LMF2: variants seen among roughly 807,000 people sequenced by gnomAD.
The protein encoded by LMF2 is transmembrane protein 112B.
LMF2 carries 113 observed loss-of-function variants against 81.5 expected under a neutral mutation model. The observed-to-expected ratio is 1.39, with a 90% CI of 1.19 to 1.62. LMF2 has a LOEUF of 1.62. LMF2 is among the 40% of genes most tolerant of loss of function. The pLI is 0.00. For missense variants in LMF2, 1,235 were observed against 929.1 expected (o/e 1.33, Z -4.28); for synonymous variants, 645 against 424.5 (o/e 1.52, Z -6.39).
rs964667233 is a variant in LMF2 at position 50,507,149 on chromosome 22, C to G, written c.95-114G>C. The stretch of plus-strand genomic sequence containing the variant: ...GGTCAGAGCATGCGGATACCTCCAT[C>G]CCTAGGTCAGAGTCTGCAGTCCCTC... On this transcript the variant is annotated intron_variant, in intron 1 of 13. Transcript: ENST00000474879. 4 of 1,443,570 alleles carry G rather than the reference C, an allele frequency of 2.8e-6. No individual in the cohort carries two copies. The African/African-American group carries it at 5.7e-5, about 21-fold the overall frequency. The allele number at this position is 1,443,570 out of a possible 1,614,324, so 89.4% of individuals were successfully genotyped here. A position where few individuals can be genotyped will look rare whatever the true frequency, so the allele number is the denominator to read the frequency against.
chr22:50,503,437 G>T lies in LMF2; in HGVS notation c.2078C>A (p.Pro693His). Residue 693 changes from proline to histidine, a missense_variant, in exon 14 of 14, where the codon CCC (proline) becomes CAC (histidine). Pro to His is a moderately conservative substitution (Grantham distance 77, BLOSUM62 -2). Coordinates refer to ENST00000474879, the MANE Select transcript of LMF2 (RefSeq NM_033200.3). Reference sequence around the variant, plus strand: ...CCTCGAACTACTGGAGCAGGGGTTGGGGGCTGCGGTGGCCTGTTCGGAGGC... The same window carrying T: ...CCTCGAACTACTGGAGCAGGGGTTGTGGGCTGCGGTGGCCTGTTCGGAGGC... ...GAASEQATAA[P>H]NPCSSSSRTT... 1 of 1,607,696 alleles carries T rather than the reference G, an allele frequency of 6.2e-7. No homozygotes were observed. Among genetic ancestry groups the T allele is most frequent in the South Asian group, 1.1e-5 (1 of 90,624 alleles).
intron 5 of LMF2, 68 bp downstream of exon 5, chr22:50,505,967 G>T (rs778913378): frequency 5.8e-6 from 9 of 1,560,308 alleles, no homozygotes; most frequent in South Asian, 1.2e-5. Flanking sequence ...TCCCCAACAG[G>T]GCACGCTGAG....
At position 50,505,286 on chromosome 22, in the gene LMF2, G is replaced by A. The variant is rs757675444; in HGVS notation, c.1100C>T (p.Pro367Leu). Reference sequence around the variant, plus strand: ...GGAGGCCACACCCAGCCACACAGTGGGCAGCGTCAGTGTCTTCAGCCACTG... The same window carrying A: ...GGAGGCCACACCCAGCCACACAGTGAGCAGCGTCAGTGTCTTCAGCCACTG... ...FSQWLKTLTLPTVWLGVASLV... is the reference protein window; with the variant it reads ...FSQWLKTLTLLTVWLGVASLV... The change falls in exon 8 of 14, where the codon CCC becomes CTC. Residue 367 changes from proline to leucine, a missense_variant. Pro to Leu is a moderately conservative substitution (Grantham distance 98). Coordinates refer to ENST00000474879, the MANE Select transcript of LMF2 (RefSeq NM_033200.3). The A allele has an allele frequency of 4.3e-6, 7 of 1,613,274 alleles. No homozygotes were observed. Among genetic ancestry groups the A allele is most frequent in the African/African-American group, 1.3e-5 (1 of 75,060 alleles).
In LMF2 at chr22:50,506,064, G is replaced by A. The variant is rs755575011; in HGVS notation, c.745C>T (p.Arg249Cys). ...GAGTAGAAAGCAGCCAAGCGCAGGC[G>A]TCGAATGGGGGCGAAGAACAGGGGC... ...VPPLFFAPIR[R>C]LRLAAFYSQV... The change falls in exon 5 of 14, where the codon CGC becomes TGC. Residue 249 changes from arginine (R) to cysteine (C), a missense_variant. Arg to Cys is a radical substitution (Grantham distance 180). Coordinates refer to ENST00000474879, the MANE Select transcript of LMF2 (RefSeq NM_033200.3). 1.2e-5 allele frequency: 19 copies of A among 1,591,368 alleles called. No homozygotes were observed. The highest frequency in any genetic ancestry group is 5.3e-5 in the African/African-American group (4 of 74,810).
Position 50,504,758 on chromosome 22 carries a change from G to A in LMF2, c.1438-31C>T, listed in dbSNP as rs373871380. ...AGGCAGGCCGAGGTCAGCTGGGCCC[G>A]CTGACCTGGGCCCCACCACCCTGCC... On this transcript the variant is annotated intron_variant, in intron 10 of 13. Transcript: ENST00000474879. The A allele has an allele frequency of 4.4e-5, 71 of 1,605,506 alleles. 2 individuals are homozygous for A. Among genetic ancestry groups the A allele is most frequent in the African/African-American group, 4.3e-4 (32 of 74,736 alleles).
rs1392249412 is a variant in LMF2 at position 50,506,664 on chromosome 22, C to A, written c.351G>T (p.Val117=). Residue 117 remains valine (V), a splice_region_variant and synonymous_variant, in exon 3 of 14, where the codon GTG becomes GTT. Transcript: ENST00000474879. ...LWAAYLSACQ[V]GQVFLYFQWD... ...ACTGGAAATAAAGGAACACCTGGCC[C>A]ACCTGCGGAGAGAGGGGCTGTCAGG... is the stretch of plus-strand genomic sequence containing the variant. 6.2e-7 allele frequency: 1 copy of A among 1,613,654 alleles called. No homozygotes were observed. Among genetic ancestry groups the A allele is most frequent in the Non-Finnish European group, 8.5e-7 (1 of 1,179,940 alleles).
intron 3 of LMF2, 58 bp downstream of exon 3, chr22:50,506,580 G>C: frequency 6.3e-7 from 1 of 1,595,136 alleles, no homozygotes; most frequent in Admixed American, 1.7e-5. Flanking sequence ...AGGAAGGGCA[G>C]AGCCCTCCCC....
rs2068473634 is a variant in LMF2, at chr22:50,503,880, C to T, written c.1743G>A (p.Val581=). The change falls in exon 13 of 14, where the codon GTG becomes GTA. Residue 581 remains valine (V), a synonymous_variant. Coordinates refer to ENST00000474879, the MANE Select transcript of LMF2 (RefSeq NM_033200.3). ...EQGQWWRRQW[V]EEFFPSVSLG... is the part of the protein sequence containing the mutation. ...GGGACACGGATGGGAAGAACTCCTC[C>T]ACCCACTGGCGCCGCCACCACTGGC... The T allele has an allele frequency of 2.5e-6, 4 of 1,605,402 alleles. No homozygotes were observed. Among genetic ancestry groups the T allele is most frequent in the Non-Finnish European group, 3.4e-6 (4 of 1,179,382 alleles).
chr22:50,503,725 G>T, intron 13 of LMF2, 26 bp from the exon 14 acceptor site: 1 of 1,581,022 alleles, frequency 6.3e-7, no homozygotes. Flanking sequence ...AGGGAGGGAG[G>T]TTGGGGAAGT....
rs368750609 is a variant in LMF2, at chr22:50,506,818, G to A, written c.312C>T (p.Tyr104=). Residue 104 remains tyrosine (Y), a synonymous_variant, in exon 2 of 14, where the codon TAC becomes TAT. Transcript: ENST00000474879. Reference sequence around the variant, plus strand: ...ACAGGTAGGCGGCCCAAAGCAGCAAGTAGATGACAGGGTGGCGCAGTGGGC... The same window carrying A: ...ACAGGTAGGCGGCCCAAAGCAGCAAATAGATGACAGGGTGGCGCAGTGGGC... ...LLSPLRHPVI[Y]LLLWAAYLSA... 3.2e-5 allele frequency: 51 copies of A among 1,610,654 alleles called. No homozygotes were observed. The highest frequency in any genetic ancestry group is 4.1e-5 in the Non-Finnish European group (48 of 1,178,860).
At chr22:50,506,729 G>C (rs1186965049) in intron 2 of LMF2, 53 bp downstream of exon 2, 8 of 1,612,730 alleles carry the variant, frequency 5.0e-6, no homozygotes, top group Non-Finnish European at 6.8e-6. Flanking sequence ...GTAGAGGCAG[G>C]GGTGGGTGGT....
At chr22:50,505,855 C>A (rs749945800) in intron 5 of LMF2, 40 bp from the exon 6 acceptor site, 40 of 1,608,738 alleles carry the variant, frequency 2.5e-5, no homozygotes, top group Non-Finnish European at 3.2e-5. Context: ...GAGACTGACG[C>A]CTGGCCCCGT....
rs532221354 is a variant in LMF2, at chr22:50,506,567, C to T, written c.378-65G>A. On this transcript the variant is annotated intron_variant, in intron 3 of 13. Transcript: ENST00000474879. ...ACAGCTGCTTCCCTCGGAAAGTCCTCCCAGGAAGGGCAGAGCCCTCCCCCA... is the reference window on the plus strand; with the variant it reads ...ACAGCTGCTTCCCTCGGAAAGTCCTTCCAGGAAGGGCAGAGCCCTCCCCCA... 2.3e-4 allele frequency: 367 copies of T among 1,589,952 alleles called. No homozygotes were observed. In the Middle Eastern group the frequency reaches 4.2e-3, roughly 18 times the overall value.
At chr22:50,507,300 T>A in intron 1 of LMF2, 1 of 612,842 alleles carries the variant, frequency 1.6e-6, no homozygotes, top group Non-Finnish European at 2.8e-6. Flanking sequence ...CTCAGCCCGA[T>A]CTCCTACCTG....
In LMF2 at chr22:50,506,305, G is replaced by A; in HGVS notation, c.575C>T (p.Pro192Leu). The change falls in exon 4 of 14, where the codon CCT becomes CTT. Residue 192 changes from proline to leucine, a missense_variant. Coordinates refer to ENST00000474879, the MANE Select transcript of LMF2 (RefSeq NM_033200.3). The part of the protein sequence containing the change: ...SGVVKLTSRC[P>L]AWWGLTALTY... ...CTCACCAGTGAGCCCCCACCACGCA[G>A]GGCAGCGGCTGGTCAGCTTGACCAC... is the stretch of plus-strand genomic sequence containing the variant. 1 of 1,549,602 alleles carries A rather than the reference G, an allele frequency of 6.5e-7. No homozygotes were observed. The highest frequency in any genetic ancestry group is 8.7e-7 in the Non-Finnish European group (1 of 1,146,716).
rs1255651761 is a variant in LMF2, at chr22:50,506,679, G to A, written c.349-13C>T. On this transcript the variant is annotated splice_polypyrimidine_tract_variant and intron_variant, in intron 2 of 13. Coordinates refer to ENST00000474879, the MANE Select transcript of LMF2 (RefSeq NM_033200.3). ...ACACCTGGCCCACCTGCGGAGAGAG[G>A]GGCTGTCAGGGAGCGGGTGTGTCTG... The A allele has an allele frequency of 6.2e-6, 10 of 1,613,598 alleles. No homozygotes were observed. Among genetic ancestry groups the A allele is most frequent in the East Asian group, 2.2e-5 (1 of 44,898 alleles).
In LMF2 at chr22:50,505,533, CCAGGCTGTGGGG is replaced by C; in HGVS notation, c.917-8_920del. 1 of 1,612,414 alleles carries C rather than the reference CCAGGCTGTGGGG, an allele frequency of 6.2e-7. No individual in the cohort carries two copies. The highest frequency in any genetic ancestry group is 8.5e-7 in the Non-Finnish European group (1 of 1,179,996). On this transcript the variant is annotated splice_acceptor_variant and splice_polypyrimidine_tract_variant and coding_sequence_variant and intron_variant, in exon 7 of 14. Coordinates refer to ENST00000474879, the MANE Select transcript of LMF2 (RefSeq NM_033200.3). LOFTEE classifies it high-confidence loss of function. Reference sequence around the variant, plus strand: ...ACAGGGTGGCCAGCAGGGCCTTGGGCCAGGCTGTGGGGCAGGACAGTCATGGGTCAGCAGAGG... The same window carrying C: ...ACAGGGTGGCCAGCAGGGCCTTGGGCCAGGACAGTCATGGGTCAGCAGAGG...
intron 11 of LMF2, 42 bp from the exon 12 acceptor site, chr22:50,504,493 C>CG: frequency 1.9e-5 from 28 of 1,491,550 alleles, no homozygotes; most frequent in Middle Eastern, 2.2e-4. Context: ...AGTACCCGCC[C>CG]TGCCCCTCCC....
At position 50,507,670 on chromosome 22, in the gene LMF2, C is replaced by A. The variant is rs1417721511; in HGVS notation, c.6G>T (p.Ala2=). ...AGAGCTGCCGCGGGAGCCGGGAGCC[C>A]GCCATGTCCGCTACGCGGCCCGCTA... is the stretch of plus-strand genomic sequence containing the variant. M[A]GSRLPRQLFL... The change falls in exon 1 of 14, where the codon GCG becomes GCT. Residue 2 remains alanine, a synonymous_variant. Coordinates refer to ENST00000474879, the MANE Select transcript of LMF2 (RefSeq NM_033200.3). The A allele has an allele frequency of 1.3e-6, 2 of 1,550,378 alleles. No homozygotes were observed. The highest frequency in any genetic ancestry group is 3.9e-5 in the Admixed American group (2 of 50,980).
Sources: gnomAD v4.1 joint callset for allele counts on GRCh38, gnomAD v4.1.1 for gene constraint, MANE v1.5 for transcripts, NCBI Gene and HGNC (gene_info 2026-07-23, HGNC 2026-07-21) for gene names.